The following METTL24 variants were observed in gnomAD, a reference collection of about 807,000 sequenced individuals.
The protein encoded by METTL24 is probable methyltransferase-like protein 24.
METTL24 carries 29 observed loss-of-function variants against 32.7 expected under a neutral mutation model. That is an observed-to-expected ratio of 0.89 (90% CI 0.66 to 1.21). METTL24 has a LOEUF of 1.21. Among genes scored for constraint, METTL24 ranks in the 50% most tolerant of loss-of-function variants. The pLI is 0.00. For synonymous variants in METTL24, 163 were observed against 179.5 expected (o/e 0.91, Z 0.73); for missense variants, 439 against 468.1 (o/e 0.94, Z 0.57).
intron 3 of METTL24, among the ~76,000 whole-genome samples, chr6:110,302,652 TA>T (rs1771553240): frequency 7.0e-6 from 1 of 142,990 alleles, no homozygotes; most frequent in Admixed American, 6.8e-5. Context: ...TATGTGTATA[TA>T]TATACACATA....
chr6:110,311,784 C>T (rs1185006317), intron 3 of METTL24, among the ~76,000 whole-genome samples: 1 of 152,082 alleles, frequency 6.6e-6, no homozygotes, highest in Non-Finnish European at 1.5e-5. Flanking sequence ...TGAGCCACTG[C>T]GCCTGGCCCC....
intron 4 of METTL24, among the ~76,000 whole-genome samples, chr6:110,253,163 C>T (rs1406606857): frequency 1.3e-5 from 2 of 152,136 alleles, no homozygotes; most frequent in African/African-American, 4.8e-5. Context: ...CGAGGCGGTA[C>T]TGCTATGAGA....
chr6:110,327,902 T>C (rs1044941133), intron 1 of METTL24, among the ~76,000 whole-genome samples: 17 of 152,206 alleles, frequency 1.1e-4, no homozygotes, highest in African/African-American at 4.1e-4. Context: ...AAATATCAAG[T>C]GGCCATAACA....
chr6:110,282,256 C>T (rs1034703630), intron 4 of METTL24, among the ~76,000 whole-genome samples: 3 of 152,122 alleles, frequency 2.0e-5, no homozygotes, highest in Non-Finnish European at 2.9e-5. Flanking sequence ...AGAAGTTCCC[C>T]CATCACTAAG....
At position 110,336,738 on chromosome 6, in the gene METTL24, CAA is replaced by C. The variant is rs57378153; in HGVS notation, c.319-13868_319-13867del. ...TGGGCGACACAGCAAGACTCCGCCTCAAAAAAAAAAAAAAAAAACAAAAAGAT... is the reference window on the plus strand; with the variant it reads ...TGGGCGACACAGCAAGACTCCGCCTCAAAAAAAAAAAAAAAACAAAAAGAT... On this transcript the variant is annotated intron_variant, in intron 1 of 4. Coordinates refer to ENST00000338882, the MANE Select transcript of METTL24 (RefSeq NM_001123364.3). Among the ~76,000 whole-genome samples the C allele has an allele frequency of 9.0e-3, 1,181 of 131,290 alleles. 18 individuals are homozygous for C. The highest frequency in any genetic ancestry group is 0.031 in the African/African-American group (1,071 of 34,642). 86.1% of individuals were successfully genotyped at this position (131,290 alleles called of 152,430 possible).
intron 1 of METTL24, among the ~76,000 whole-genome samples, chr6:110,344,624 T>C (rs921131854): frequency 4.6e-5 from 7 of 152,198 alleles, no homozygotes; most frequent in East Asian, 1.9e-4. Flanking sequence ...AGCAAATCCA[T>C]TGGGGTATAT....
chr6:110,304,952 C>T (rs923666470), intron 3 of METTL24, among the ~76,000 whole-genome samples: 1 of 152,210 alleles, frequency 6.6e-6, no homozygotes, highest in East Asian at 1.9e-4. Context: ...AGACTAACAG[C>T]AGATCTCTCT....
chr6:110,358,252 G>C lies in METTL24; in HGVS notation c.21C>G (p.Pro7=), dbSNP rs1216150337. 2.7e-6 allele frequency: 4 copies of C among 1,481,562 alleles called. No individual in the cohort carries two copies. The highest frequency in any genetic ancestry group is 3.6e-6 in the Non-Finnish European group (4 of 1,122,776). The allele number at this position is 1,481,562 out of a possible 1,614,324, so 91.8% of individuals were successfully genotyped here. MARERP[P]GRGCGVLRRC... The stretch of plus-strand genomic sequence containing the variant: ...GGCGCAGGACGCCGCAGCCCCTCCC[G>C]GGCGGCCTCTCCCGGGCCATGGCGC... The change falls in exon 1 of 5, where the codon CCC becomes CCG. Residue 7 remains proline (P), a synonymous_variant. Coordinates refer to ENST00000338882, the MANE Select transcript of METTL24 (RefSeq NM_001123364.3).
chr6:110,305,092 A>G (rs1771604596), intron 3 of METTL24, among the ~76,000 whole-genome samples: 3 of 152,322 alleles, frequency 2.0e-5, no homozygotes, highest in Admixed American at 2.0e-4. Flanking sequence ...AAAATCCTTT[A>G]CAGGCAAGGA....
chr6:110,261,277 A>G (rs1267733817), intron 4 of METTL24, among the ~76,000 whole-genome samples: 2 of 151,808 alleles, frequency 1.3e-5, no homozygotes, highest in Non-Finnish European at 2.9e-5. Flanking sequence ...AGGAAGATCC[A>G]CCAAGCAAAT....
In METTL24 at chr6:110,299,150, C is replaced by G; in HGVS notation, c.558G>C (p.Gly186=). ...CAAAATGGGTATCATCACTTCCTAG[C>G]CTATAAAGAAAGAGGACGGAAATCA... ...RNKQCRLYSL[G]LGSDDTHFEV... is the part of the protein sequence containing the mutation. Residue 186 remains glycine, a splice_region_variant and synonymous_variant, in exon 4 of 5, where the codon GGG becomes GGC. Coordinates refer to ENST00000338882, the MANE Select transcript of METTL24 (RefSeq NM_001123364.3). 6.2e-7 allele frequency: 1 copy of G among 1,612,726 alleles called. No homozygotes were observed. Among genetic ancestry groups the G allele is most frequent in the Non-Finnish European group, 8.5e-7 (1 of 1,179,502 alleles).
chr6:110,321,238 G>GA (rs1771925314), intron 2 of METTL24, among the ~76,000 whole-genome samples: 1 of 151,908 alleles, frequency 6.6e-6, no homozygotes, highest in Non-Finnish European at 1.5e-5. Context: ...CTCTGTCTCT[G>GA]AAAAAAGAAA....
rs189222318 is a variant in METTL24 at position 110,312,613 on chromosome 6, G to C, written c.557+2729C>G. 2.6e-5 allele frequency among the ~76,000 whole-genome samples: 4 copies of C among 152,316 alleles called. No homozygotes were observed. In the Middle Eastern group the frequency reaches 0.01, roughly 389 times the overall value. On this transcript the variant is annotated intron_variant, in intron 3 of 4. Coordinates refer to ENST00000338882, the MANE Select transcript of METTL24 (RefSeq NM_001123364.3). ...AATCAGACACAGAAACACAAATATT[G>C]CATCTTCTCACTCATATGCTGGAGC...
intron 1 of METTL24, among the ~76,000 whole-genome samples, chr6:110,327,378 C>T (rs1419029743): frequency 6.6e-6 from 1 of 152,194 alleles, no homozygotes; most frequent in Non-Finnish European, 1.5e-5. Context: ...TAAGGGTCCA[C>T]AAATAGTATT....
intron 4 of METTL24, among the ~76,000 whole-genome samples, chr6:110,273,959 T>C (rs1203215352): frequency 6.6e-6 from 1 of 152,166 alleles, no homozygotes; most frequent in Non-Finnish European, 1.5e-5. Context: ...AACTGTAAAA[T>C]TATGGAACCA....
At chr6:110,320,665 C>T (rs1293304266) in intron 2 of METTL24, among the ~76,000 whole-genome samples, 1 of 152,150 alleles carries the variant, frequency 6.6e-6, no homozygotes, top group Non-Finnish European at 1.5e-5. Context: ...ATTATACATC[C>T]AGTTATCCAC....
chr6:110,251,596 T>C (rs994318007), intron 4 of METTL24, among the ~76,000 whole-genome samples: 1 of 152,220 alleles, frequency 6.6e-6, no homozygotes, highest in Non-Finnish European at 1.5e-5. Flanking sequence ...AAGTAATTTA[T>C]AAAGAACAAA....
intron 4 of METTL24, among the ~76,000 whole-genome samples, chr6:110,265,117 A>G (rs941483189): frequency 8.7e-5 from 13 of 149,466 alleles, no homozygotes; most frequent in Non-Finnish European, 1.9e-4. Flanking sequence ...AACTTAAAGT[A>G]TAATAAAAAA....
At chr6:110,336,314 A>G (rs1772227023) in intron 1 of METTL24, among the ~76,000 whole-genome samples, 1 of 152,232 alleles carries the variant, frequency 6.6e-6, no homozygotes, top group South Asian at 2.1e-4. Flanking sequence ...GCCATGTAGC[A>G]TAGCAAGAAA....
Sources: gnomAD v4.1 joint callset for allele counts (sites outside exome capture counted in the v4.1 genomes callset) on GRCh38, gnomAD v4.1.1 for gene constraint, MANE v1.5 for transcripts, NCBI Gene and HGNC (gene_info 2026-07-23, HGNC 2026-07-21) for gene names.